DAB1: variants seen among roughly 807,000 people sequenced by gnomAD.
The protein encoded by DAB1 is DAB adaptor protein 1.
A neutral mutation model predicts 64.6 loss-of-function variants in DAB1; 15 were observed. That is an observed-to-expected ratio of 0.23 (90% CI 0.16 to 0.36). The LOEUF is 0.36. DAB1 is among the 10% of genes least tolerant of loss of function. The pLI is 1.00. For missense variants in DAB1, 596 were observed against 706.7 expected, an observed-to-expected ratio of 0.84 and a Z score of 1.78; for synonymous variants, 235 against 251.9, an observed-to-expected ratio of 0.93 and a Z score of 0.64.
intron 5 of DAB1, among the ~76,000 whole-genome samples, chr1:57,932,644 T>C (rs898944185): frequency 4.6e-5 from 7 of 152,130 alleles, no homozygotes; most frequent in African/African-American, 1.7e-4. Context: ...ACGTTAAGGA[T>C]CATTATGTCT....
At chr1:58,187,471 G>A (rs1657141778) in intron 4 of DAB1, among the ~76,000 whole-genome samples, 1 of 150,868 alleles carries the variant, frequency 6.6e-6, no homozygotes, top group South Asian at 2.1e-4. Context: ...GTAAGACCCT[G>A]TCTGAAAAAA....
At chr1:57,488,131 C>T (rs1357043740) in intron 7 of DAB1, among the ~76,000 whole-genome samples, 2 of 152,058 alleles carry the variant, frequency 1.3e-5, no homozygotes, top group African/African-American at 4.8e-5. Flanking sequence ...GGGCCAGACA[C>T]GGCGGCTCAC....
intron 9 of DAB1, among the ~76,000 whole-genome samples, chr1:57,039,599 G>A (rs1454185924): frequency 6.6e-6 from 1 of 152,128 alleles, no homozygotes; most frequent in Non-Finnish European, 1.5e-5. Flanking sequence ...CTAGGAGTCT[G>A]CCTCATCATT....
chr1:57,977,109 T>A (rs1343194361), intron 5 of DAB1, among the ~76,000 whole-genome samples: 1 of 152,186 alleles, frequency 6.6e-6, no homozygotes, highest in Non-Finnish European at 1.5e-5. Context: ...CACATTCTTT[T>A]GTACAGGTTA....
intron 5 of DAB1, among the ~76,000 whole-genome samples, chr1:57,919,677 T>C (rs2102020868): frequency 6.6e-6 from 1 of 152,314 alleles, no homozygotes; most frequent in South Asian, 2.1e-4. Context: ...ATAAACAATG[T>C]ATAACCGGCA....
chr1:57,360,935 G>T (rs1047087714), intron 1 of DAB1, among the ~76,000 whole-genome samples: 1 of 151,974 alleles, frequency 6.6e-6, no homozygotes, highest in African/African-American at 2.4e-5. Context: ...TTTATATGTC[G>T]CCTATTATGT....
At chr1:58,545,276 A>T (rs10789067) in intron 1 of DAB1, among the ~76,000 whole-genome samples, 1 of 152,064 alleles carries the variant, frequency 6.6e-6, no homozygotes, top group Non-Finnish European at 1.5e-5. Flanking sequence ...CTTGTGTAAA[A>T]ATTTTAAAAG....
chr1:57,128,098 G>A (rs1657305109), intron 4 of DAB1, among the ~76,000 whole-genome samples: 1 of 151,836 alleles, frequency 6.6e-6, no homozygotes, highest in Non-Finnish European at 1.5e-5. Flanking sequence ...AGCAAACAGA[G>A]ATCGTGCCAT....
intron 3 of DAB1, among the ~76,000 whole-genome samples, chr1:58,361,751 G>A (rs1009940370): frequency 6.6e-5 from 10 of 151,974 alleles, no homozygotes; most frequent in African/African-American, 2.4e-4. Flanking sequence ...TAATAAAACA[G>A]GAGAACCCTA....
intron 9 of DAB1, among the ~76,000 whole-genome samples, 156 bp from the exon 10 acceptor site, chr1:57,026,199 C>T (rs1321610462): frequency 6.6e-6 from 1 of 152,162 alleles, no homozygotes; most frequent in Non-Finnish European, 1.5e-5. Flanking sequence ...CCTCAGGATC[C>T]CAAAGGCAAC....
intron 2 of DAB1, among the ~76,000 whole-genome samples, chr1:57,155,267 A>T (rs187043818): frequency 7.1e-4 from 108 of 152,288 alleles, no homozygotes; most frequent in African/African-American, 2.5e-3. Context: ...TCTCAGCACC[A>T]TTTATTAGAG....
intron 1 of DAB1, among the ~76,000 whole-genome samples, chr1:57,362,723 C>T (rs1019538319): frequency 5.9e-5 from 9 of 152,102 alleles, no homozygotes; most frequent in Admixed American, 1.3e-4. Flanking sequence ...GCACCTGGAT[C>T]CTGGACTTAA....
intron 4 of DAB1, among the ~76,000 whole-genome samples, chr1:58,154,329 GAGT>G (rs1407385000): frequency 1.3e-5 from 2 of 152,060 alleles, no homozygotes. Context: ...CCACTGAAGG[GAGT>G]ACAGTAGAGT....
chr1:58,356,020 C>A (rs535573170), intron 3 of DAB1, among the ~76,000 whole-genome samples: 1 of 152,324 alleles, frequency 6.6e-6, no homozygotes, highest in African/African-American at 2.4e-5. Context: ...GTACTCCTCC[C>A]AAGCGAACAA....
chr1:57,046,317 T>C (rs1648487707), intron 9 of DAB1, among the ~76,000 whole-genome samples: 1 of 152,228 alleles, frequency 6.6e-6, no homozygotes, highest in African/African-American at 2.4e-5. Flanking sequence ...TATTAGTTTC[T>C]CGCCTCCTTT....
At chr1:57,367,907 C>T (rs1680188297) in intron 1 of DAB1, among the ~76,000 whole-genome samples, 1 of 152,180 alleles carries the variant, frequency 6.6e-6, no homozygotes, top group African/African-American at 2.4e-5. Flanking sequence ...TCAGAGCAGG[C>T]AGAAGCACCT....
intron 4 of DAB1, among the ~76,000 whole-genome samples, chr1:57,087,196 T>C (rs922736656): frequency 1.3e-5 from 2 of 152,154 alleles, no homozygotes; most frequent in Non-Finnish European, 2.9e-5. Flanking sequence ...AAAACACATG[T>C]GACCAGTAGC....
chr1:57,814,235 A>G (rs770674698), intron 6 of DAB1, among the ~76,000 whole-genome samples: 2 of 152,214 alleles, frequency 1.3e-5, no homozygotes, highest in Admixed American at 6.5e-5. Context: ...TGACATTTCC[A>G]GCGCTGAACT....
intron 4 of DAB1, among the ~76,000 whole-genome samples, chr1:58,281,581 T>A (rs1661565312): frequency 5.3e-5 from 8 of 152,088 alleles, no homozygotes; most frequent in Admixed American, 5.2e-4. Context: ...TTTTTTTTTC[T>A]ATAGTGCAGA....
Sources: allele counts gnomAD v4.1 joint callset (sites outside exome capture counted in the v4.1 genomes callset), GRCh38; gene constraint gnomAD v4.1.1; transcripts MANE v1.5; gene names NCBI Gene and HGNC (gene_info 2026-07-23, HGNC 2026-07-21).